Variants in GRIK1 observed in about 807,000 individuals in gnomAD.
GRIK1 encodes glutamate receptor ionotropic, kainate 1.
A neutral mutation model predicts 105.7 loss-of-function variants in GRIK1; 69 were observed. The ratio of observed to expected loss-of-function variants is 0.65; its 90% CI spans 0.54 to 0.80. The LOEUF is 0.80. Among genes scored for constraint, GRIK1 ranks in the 30% least tolerant of loss-of-function variants. GRIK1 has a pLI of 0.00. For missense variants in GRIK1, 1,109 were observed against 1,167.3 expected (o/e 0.95, Z 0.73); for synonymous variants, 438 against 431.3 (o/e 1.02, Z -0.19).
intron 1 of GRIK1, chr21:29,758,925 C>G (rs181260393): frequency 1.3e-5 from 2 of 153,414 alleles, no homozygotes; most frequent in South Asian, 2.1e-4. Context: ...AGAGAAACAA[C>G]CAGGACACAG....
At chr21:29,559,108 T>C (rs1743863890) in intron 15 of GRIK1, among the ~76,000 whole-genome samples, 1 of 152,138 alleles carries the variant, frequency 6.6e-6, no homozygotes, top group Non-Finnish European at 1.5e-5. Context: ...GTTTTTGACT[T>C]TATAATTTAG....
chr21:29,639,424 A>G (rs905623985), intron 7 of GRIK1, among the ~76,000 whole-genome samples: 1 of 152,198 alleles, frequency 6.6e-6, no homozygotes, highest in Admixed American at 6.5e-5. Flanking sequence ...AGGGTCCTGC[A>G]GATAGGAGCT....
At chr21:29,786,416 C>A (rs1437463344) in intron 1 of GRIK1, among the ~76,000 whole-genome samples, 1 of 152,194 alleles carries the variant, frequency 6.6e-6, no homozygotes, top group Non-Finnish European at 1.5e-5. Context: ...AGGTCACATT[C>A]TCAGTTTCTG....
At chr21:29,559,978 C>T (rs905586788) in intron 15 of GRIK1, among the ~76,000 whole-genome samples, 3 of 152,152 alleles carry the variant, frequency 2.0e-5, no homozygotes, top group African/African-American at 7.2e-5. Context: ...CACAAGCATG[C>T]TTTGCTCACT....
rs2062192229 is a variant in GRIK1, at chr21:29,628,860, C to T, written c.1098+13966G>A. On this transcript the variant is annotated intron_variant, in intron 7 of 17. Coordinates refer to ENST00000327783, the MANE Select transcript of GRIK1 (RefSeq NM_001330994.2). ...CCAGATGCCTATCATTATAGGTAAA[C>T]AATATGTTATTTATGGATGGTTTAT... Among the ~76,000 whole-genome samples the T allele has an allele frequency of 7.9e-5, 12 of 152,192 alleles. No individual in the cohort carries two copies. In the South Asian group the frequency reaches 2.5e-3, roughly 32 times the overall value.
At chr21:29,692,939 A>G (rs2063613390) in intron 2 of GRIK1, among the ~76,000 whole-genome samples, 1 of 152,242 alleles carries the variant, frequency 6.6e-6, no homozygotes. Flanking sequence ...AAAGAACACT[A>G]GAATTCTTGC....
intron 1 of GRIK1, among the ~76,000 whole-genome samples, chr21:29,800,916 G>A (rs1426757273): frequency 1.3e-5 from 2 of 152,148 alleles, no homozygotes; most frequent in Admixed American, 6.5e-5. Context: ...AGAGGGCAAA[G>A]GGCGGTAATT....
chr21:29,683,022 A>G (rs372431120), intron 3 of GRIK1, among the ~76,000 whole-genome samples: 5 of 152,370 alleles, frequency 3.3e-5, no homozygotes, highest in Middle Eastern at 3.4e-3. Flanking sequence ...GCCAACGAGC[A>G]TATGAAAAAA....
At chr21:29,828,180 G>C (rs1291284091) in intron 1 of GRIK1, among the ~76,000 whole-genome samples, 1 of 151,914 alleles carries the variant, frequency 6.6e-6, no homozygotes, top group Admixed American at 6.6e-5. Flanking sequence ...TGCATATTCT[G>C]CTTCCTTCTA....
chr21:29,606,957 C>T (rs560135436), intron 7 of GRIK1, among the ~76,000 whole-genome samples: 4 of 152,322 alleles, frequency 2.6e-5, no homozygotes, highest in African/African-American at 9.6e-5. Flanking sequence ...GTGCCACTTT[C>T]ACTGCCTACT....
At chr21:29,912,382 T>A (rs2070848424) in intron 1 of GRIK1, among the ~76,000 whole-genome samples, 1 of 151,930 alleles carries the variant, frequency 6.6e-6, no homozygotes, top group East Asian at 1.9e-4. Context: ...CAAGAGACAT[T>A]CCAACCCCAC....
intron 1 of GRIK1, among the ~76,000 whole-genome samples, chr21:29,728,834 G>A (rs2064535663): frequency 6.6e-6 from 1 of 152,180 alleles, no homozygotes; most frequent in Non-Finnish European, 1.5e-5. Flanking sequence ...AGAGATGGCA[G>A]CTGGTAACAA....
chr21:29,854,546 T>C (rs1021203570), intron 1 of GRIK1, among the ~76,000 whole-genome samples: 3 of 152,026 alleles, frequency 2.0e-5, no homozygotes, highest in Admixed American at 6.6e-5. Flanking sequence ...TGGAATGGAC[T>C]TGGGTGGGGG....
intron 1 of GRIK1, among the ~76,000 whole-genome samples, chr21:29,900,632 A>G (rs2070364713): frequency 6.6e-6 from 1 of 152,184 alleles, no homozygotes; most frequent in Non-Finnish European, 1.5e-5. Context: ...ACCCAGTTTC[A>G]TAAAGCAAGT....
intron 1 of GRIK1, among the ~76,000 whole-genome samples, chr21:29,751,867 G>T (rs2065212578): frequency 6.6e-6 from 1 of 152,150 alleles, no homozygotes; most frequent in African/African-American, 2.4e-5. Flanking sequence ...ACTTACGGGG[G>T]TTTTCTTTCG....
chr21:29,878,795 G>A (rs750907816), intron 1 of GRIK1, among the ~76,000 whole-genome samples: 1 of 152,050 alleles, frequency 6.6e-6, no homozygotes, highest in East Asian at 1.9e-4. Context: ...CACCAAATCT[G>A]CCAGCACCTT....
intron 1 of GRIK1, among the ~76,000 whole-genome samples, chr21:29,753,839 T>C (rs2065267964): frequency 6.6e-6 from 1 of 152,168 alleles, no homozygotes; most frequent in African/African-American, 2.4e-5. Flanking sequence ...AATTGGATTA[T>C]TGGATGTTCT....
At chr21:29,573,865 A>G (rs1365670760) in intron 14 of GRIK1, among the ~76,000 whole-genome samples, 1 of 152,044 alleles carries the variant, frequency 6.6e-6, no homozygotes, top group African/African-American at 2.4e-5. Flanking sequence ...AAAAAAAAAA[A>G]AAAAAAAGTG....
intron 16 of GRIK1, among the ~76,000 whole-genome samples, chr21:29,544,435 A>T (rs2090019848): frequency 1.3e-5 from 2 of 152,188 alleles, no homozygotes; most frequent in Admixed American, 1.3e-4. Flanking sequence ...AAACTTTGAA[A>T]AGTGGAGTTA....
Sources: gnomAD v4.1 joint callset for allele counts (sites outside exome capture counted in the v4.1 genomes callset) on GRCh38, gnomAD v4.1.1 for gene constraint, MANE v1.5 for transcripts, NCBI Gene and HGNC (gene_info 2026-07-23, HGNC 2026-07-21) for gene names.